EMID1: variants seen among roughly 807,000 people sequenced by gnomAD.
The protein encoded by EMID1 is EMI domain-containing protein 1.
EMID1 carries 40 observed loss-of-function variants against 60.6 expected under a neutral mutation model. The ratio of observed to expected loss-of-function variants is 0.66; its 90% CI spans 0.51 to 0.86. The LOEUF (loss-of-function observed/expected upper bound fraction) is 0.86. Among genes scored for constraint, EMID1 ranks in the 40% least tolerant of loss-of-function variants. EMID1 has a pLI of 0.00. For missense variants in EMID1, 585 were observed against 597.1 expected, an observed-to-expected ratio of 0.98 and a Z score of 0.21; for synonymous variants, 242 against 231.0, an observed-to-expected ratio of 1.05 and a Z score of -0.43.
At chr22:29,211,392 T>C (rs1335378406) in intron 1 of EMID1, among the ~76,000 whole-genome samples, 4 of 152,158 alleles carry the variant, frequency 2.6e-5, no homozygotes, top group Non-Finnish European at 5.9e-5. Context: ...GATCTGTGTG[T>C]GCACACGGAG....
intron 12 of EMID1, among the ~76,000 whole-genome samples, chr22:29,240,563 C>G (rs1186922136): frequency 1.2e-4 from 19 of 152,178 alleles, no homozygotes; most frequent in African/African-American, 2.4e-5. Flanking sequence ...GCATAAAACC[C>G]CTCGTGGCCT....
chr22:29,254,464 C>G (rs538894033), intron 14 of EMID1, 177 bp downstream of exon 14: 3 of 642,940 alleles, frequency 4.7e-6, no homozygotes, highest in Non-Finnish European at 8.2e-6. Context: ...TGGTTCCCTC[C>G]TCCACGGGTG....
intron 3 of EMID1, among the ~76,000 whole-genome samples, chr22:29,215,912 C>T (rs1176230432): frequency 6.6e-6 from 1 of 152,206 alleles, no homozygotes; most frequent in African/African-American, 2.4e-5. Flanking sequence ...TTCCTCCACA[C>T]TCGGGGAAAA....
chr22:29,225,797 A>G (rs762417231), intron 4 of EMID1, among the ~76,000 whole-genome samples: 3 of 152,118 alleles, frequency 2.0e-5, no homozygotes, highest in Non-Finnish European at 4.4e-5. Context: ...GAGGGGAGAG[A>G]CTGCTGGCAT....
At chr22:29,233,248 G>A in intron 8 of EMID1, 131 bp from the exon 9 acceptor site, 2 of 884,674 alleles carry the variant, frequency 2.3e-6, no homozygotes, top group Admixed American at 3.8e-5. Context: ...TGGAGCAGGT[G>A]CCCAGGTGGT....
At chr22:29,237,492 T>G (rs889833108) in intron 12 of EMID1, among the ~76,000 whole-genome samples, 2 of 144,048 alleles carry the variant, frequency 1.4e-5, no homozygotes, top group African/African-American at 2.7e-5. Flanking sequence ...TGCTCCTCCT[T>G]TCTTTATGTA....
chr22:29,258,773 A>G, intron 14 of EMID1, 44 bp from the exon 15 acceptor site: 9 of 1,609,316 alleles, frequency 5.6e-6, no homozygotes, highest in Non-Finnish European at 7.6e-6. Flanking sequence ...GGCACCTCAC[A>G]TGAACCCCTC....
rs2040776651 is a variant in EMID1, at chr22:29,232,267, C to A, written c.688C>A (p.Pro230Thr). 2 of 1,611,476 alleles carry A rather than the reference C, an allele frequency of 1.2e-6. No homozygotes were observed. Among genetic ancestry groups the A allele is most frequent in the Non-Finnish European group, 1.7e-6 (2 of 1,179,786 alleles). ...TGATTCCATTGCAGGTCCACAGGGC[C>A]CCCCAGGGAGCCCTGGCCGGGCTGG... ...GMRGPPGPQG[P>T]PGSPGRAGAV... The change falls in exon 8 of 15, where the codon CCC becomes ACC. Residue 230 changes from proline (P) to threonine (T), a missense_variant. Transcript: ENST00000334018.
intron 3 of EMID1, among the ~76,000 whole-genome samples, chr22:29,220,910 GTGTGGAGGTCAAGA>G (rs1004179030): frequency 1.3e-4 from 20 of 152,224 alleles, no homozygotes; most frequent in African/African-American, 3.9e-4. Context: ...AACACTGGCC[GTGTGGAGGTCAAGA>G]TGTGGAGGTC....
At chr22:29,226,419 C>T (rs2040511609) in intron 4 of EMID1, 71 bp from the exon 5 acceptor site, 2 of 1,536,290 alleles carry the variant, frequency 1.3e-6, no homozygotes, top group Admixed American at 4.1e-5. Context: ...TCCCAACCCC[C>T]AGAGACTGAA....
At position 29,231,235 on chromosome 22, in the gene EMID1, A is replaced by G. The variant is rs961726933; in HGVS notation, c.586+95A>G. On this transcript the variant is annotated intron_variant, in intron 6 of 14. Coordinates refer to ENST00000334018, the MANE Select transcript of EMID1 (RefSeq NM_133455.4). Reference sequence around the variant, plus strand: ...GTCCCCACCCTGTCGCTGACTCCCAACTTAACCCTCTAGTGGGCCTCAGTC... The same window carrying G: ...GTCCCCACCCTGTCGCTGACTCCCAGCTTAACCCTCTAGTGGGCCTCAGTC... The G allele has an allele frequency of 7.4e-6, 11 of 1,480,970 alleles. No individual in the cohort carries two copies. In the South Asian group the frequency reaches 1.1e-4, roughly 15 times the overall value. 91.7% of individuals were successfully genotyped at this position (1,480,970 alleles called of 1,614,324 possible). A position where few individuals can be genotyped will look rare whatever the true frequency, so the allele number is the denominator to read the frequency against.
chr22:29,209,867 G>T (rs1371462566), intron 1 of EMID1, among the ~76,000 whole-genome samples: 1 of 152,178 alleles, frequency 6.6e-6, no homozygotes, highest in Non-Finnish European at 1.5e-5. Context: ...GGCAGCGCTT[G>T]CAGGGCTATA....
In EMID1 at chr22:29,258,931, A is replaced by C; in HGVS notation, c.1319A>C (p.Asp440Ala). Residue 440 changes from aspartate (D) to alanine (A), a missense_variant, in exon 15 of 15, where the codon GAC becomes GCC. By Grantham distance (126) the Asp-to-Ala change is moderately radical. Coordinates refer to ENST00000334018, the MANE Select transcript of EMID1 (RefSeq NM_133455.4). ...NYRIVAPRSR[D>A]ERG Reference sequence around the variant, plus strand: ...CGGATCGTGGCCCCCAGGAGCCGGGACGAGAGAGGCTGAGGGTGGTGGCGG... The same window carrying C: ...CGGATCGTGGCCCCCAGGAGCCGGGCCGAGAGAGGCTGAGGGTGGTGGCGG... The C allele has an allele frequency of 6.2e-7, 1 of 1,612,700 alleles. No individual in the cohort carries two copies. The highest frequency in any genetic ancestry group is 1.3e-5 in the African/African-American group (1 of 74,988).
rs2040050716 is a variant in EMID1 at position 29,215,571 on chromosome 22, T to C, written c.260T>C (p.Ile87Thr). The C allele has an allele frequency of 3.1e-6, 5 of 1,614,092 alleles. No homozygotes were observed. The highest frequency in any genetic ancestry group is 4.2e-6 in the Non-Finnish European group (5 of 1,179,986). ...VRPTYKVMYK[I>T]VTAREWRCCP... Reference sequence around the variant, plus strand: ...CCCACATACAAGGTGATGTACAAGATAGTGACCGCCCGTGAGTGGAGGTGC... The same window carrying C: ...CCCACATACAAGGTGATGTACAAGACAGTGACCGCCCGTGAGTGGAGGTGC... The change falls in exon 3 of 15, where the codon ATA becomes ACA. Residue 87 changes from isoleucine (I) to threonine (T), a missense_variant. Coordinates refer to ENST00000334018, the MANE Select transcript of EMID1 (RefSeq NM_133455.4).
chr22:29,215,143 C>T (rs915361981), intron 2 of EMID1, 104 bp downstream of exon 2: 60 of 1,430,856 alleles, frequency 4.2e-5, no homozygotes, highest in Admixed American at 1.0e-4. Context: ...AAGACTGGAC[C>T]CCAGGGTGGG....
intron 1 of EMID1, among the ~76,000 whole-genome samples, chr22:29,207,943 CAG>C (rs1568962798): frequency 6.6e-6 from 1 of 152,232 alleles, no homozygotes; most frequent in Non-Finnish European, 1.5e-5. Flanking sequence ...AGAATGGAGA[CAG>C]AATTCCTTGC....
chr22:29,229,784 T>C (rs920846312), intron 5 of EMID1, among the ~76,000 whole-genome samples: 4 of 152,244 alleles, frequency 2.6e-5, no homozygotes, highest in African/African-American at 9.6e-5. Flanking sequence ...GAAGCCCATG[T>C]AAGAGGCAAC....
At chr22:29,252,716 G>C (rs1018328392) in intron 13 of EMID1, among the ~76,000 whole-genome samples, 1 of 152,182 alleles carries the variant, frequency 6.6e-6, no homozygotes, top group African/African-American at 2.4e-5. Context: ...TGGAGGAGGG[G>C]CTTTGTGAGC....
intron 1 of EMID1, among the ~76,000 whole-genome samples, chr22:29,207,875 G>A (rs75849107): frequency 0.017 from 2,553 of 149,574 alleles, 82 homozygotes; most frequent in African/African-American, 0.062. Context: ...TTGTCGGCTT[G>A]GGGGCACCAG....
Sources: gnomAD v4.1 joint callset for allele counts (sites outside exome capture counted in the v4.1 genomes callset) on GRCh38, gnomAD v4.1.1 for gene constraint, MANE v1.5 for transcripts, NCBI Gene and HGNC (gene_info 2026-07-23, HGNC 2026-07-21) for gene names.